DNAH11: variants seen among roughly 807,000 people sequenced by gnomAD.
DNAH11 encodes the protein axonemal beta dynein heavy chain 11.
DNAH11 carries 442 observed loss-of-function variants against 526.0 expected under a neutral mutation model. That is an observed-to-expected ratio of 0.84 (90% CI 0.78 to 0.91). DNAH11 has a LOEUF of 0.91. DNAH11 is among the 40% of genes least tolerant of loss of function. The probability of loss-of-function intolerance (pLI) is 0.00; values close to 1 mark genes in which losing one functional copy is unlikely to be tolerated. For synonymous variants in DNAH11, 2,461 were observed against 1,935.9 expected (o/e 1.27, Z -7.12); for missense variants, 6,989 against 5,448.7 (o/e 1.28, Z -8.90).
At chr7:21,672,226 G>A (rs1782667215) in intron 30 of DNAH11, among the ~76,000 whole-genome samples, 1 of 152,160 alleles carries the variant, frequency 6.6e-6, no homozygotes, top group African/African-American at 2.4e-5. Context: ...TGATCTCCAA[G>A]GTGCTATAGC....
At position 21,886,913 on chromosome 7, in the gene DNAH11, ACCT is replaced by A. The variant is rs771330925; in HGVS notation, c.12507+2508_12507+2510del. ...AAGCTGGCATCCTCACTGGAGAGGT[ACCT>A]CCTCAACTCACCAAAGGAAATTAAA... On this transcript the variant is annotated intron_variant, in intron 76 of 81. Coordinates refer to ENST00000409508, the MANE Select transcript of DNAH11 (RefSeq NM_001277115.2). 3.3e-5 allele frequency among the ~76,000 whole-genome samples: 5 copies of A among 152,260 alleles called. No individual in the cohort carries two copies. The South Asian group carries it at 1.0e-3, about 32-fold the overall frequency.
intron 30 of DNAH11, among the ~76,000 whole-genome samples, chr7:21,664,042 C>T (rs934719384): frequency 1.3e-5 from 2 of 151,704 alleles, no homozygotes; most frequent in Admixed American, 1.3e-4. Flanking sequence ...ACATTCCCAC[C>T]AACAGTGTAC....
At chr7:21,842,173 A>T (rs371094185) in intron 65 of DNAH11, among the ~76,000 whole-genome samples, 1 of 152,146 alleles carries the variant, frequency 6.6e-6, no homozygotes, top group Non-Finnish European at 1.5e-5. Flanking sequence ...TGGTTTCTTC[A>T]TATGTTGTTT....
chr7:21,866,803 C>T (rs1391745462), intron 71 of DNAH11, 140 bp downstream of exon 71: 1 of 935,200 alleles, frequency 1.1e-6, no homozygotes, highest in African/African-American at 1.7e-5. Flanking sequence ...ATATTATAAT[C>T]ACTGCTACTG....
At chr7:21,759,014 T>A (rs1038802440) in intron 54 of DNAH11, among the ~76,000 whole-genome samples, 3 of 152,210 alleles carry the variant, frequency 2.0e-5, no homozygotes, top group African/African-American at 7.2e-5. Flanking sequence ...AATAGGCATC[T>A]GATTTTCTTT....
At chr7:21,684,650 T>G (rs1783294411) in intron 32 of DNAH11, among the ~76,000 whole-genome samples, 1 of 152,194 alleles carries the variant, frequency 6.6e-6, no homozygotes, top group African/African-American at 2.4e-5. Context: ...GGACAAAGTT[T>G]CCAAGGTGGG....
At position 21,710,993 on chromosome 7, in the gene DNAH11, A is replaced by G. The variant is rs114529428; in HGVS notation, c.6834+290A>G. Among the ~76,000 whole-genome samples the G allele has an allele frequency of 0.015, 2,269 of 152,300 alleles. 55 individuals carry two copies. The highest frequency in any genetic ancestry group is 0.052 in the African/African-American group (2,162 of 41,562). On this transcript the variant is annotated intron_variant, in intron 41 of 81. Coordinates refer to ENST00000409508, the MANE Select transcript of DNAH11 (RefSeq NM_001277115.2). ...TACCACTTTCTAAGAGGTAGCCGTAAATTATTGTATCTTGTCATCTTTGAT... is the reference window on the plus strand; with the variant it reads ...TACCACTTTCTAAGAGGTAGCCGTAGATTATTGTATCTTGTCATCTTTGAT...
At chr7:21,771,103 T>C (rs1787416608) in intron 55 of DNAH11, among the ~76,000 whole-genome samples, 1 of 152,220 alleles carries the variant, frequency 6.6e-6, no homozygotes, top group Admixed American at 6.5e-5. Flanking sequence ...CAAGACTTAC[T>C]GTAGGTATAT....
chr7:21,647,839 T>C (rs1341852947), intron 28 of DNAH11, among the ~76,000 whole-genome samples: 1 of 152,194 alleles, frequency 6.6e-6, no homozygotes, highest in Non-Finnish European at 1.5e-5. Context: ...AAAATAAAGA[T>C]GTTTTAACAC....
rs1030665124 is a variant in DNAH11, at chr7:21,543,172, C to T, written c.-74C>T. The T allele has an allele frequency of 7.6e-6, 11 of 1,445,988 alleles. 1 individual carries two copies. In the South Asian group the frequency reaches 1.5e-4, roughly 19 times the overall value. 89.6% of individuals were successfully genotyped at this position (1,445,988 alleles called of 1,614,324 possible). A position where few individuals can be genotyped will look rare whatever the true frequency, so the allele number is the denominator to read the frequency against. ...GAGGGTGGGCGCCTGCGGAGGTGTCCTCGCTCACTTCGGGGGGCCCAGAGT... is the reference window on the plus strand; with the variant it reads ...GAGGGTGGGCGCCTGCGGAGGTGTCTTCGCTCACTTCGGGGGGCCCAGAGT... On this transcript the variant is annotated 5_prime_UTR_variant, in exon 1 of 82. Coordinates refer to ENST00000409508, the MANE Select transcript of DNAH11 (RefSeq NM_001277115.2).
At chr7:21,597,624 C>T (rs1355646291) in intron 14 of DNAH11, among the ~76,000 whole-genome samples, 1 of 152,108 alleles carries the variant, frequency 6.6e-6, no homozygotes, top group Non-Finnish European at 1.5e-5. Context: ...AACCAGATCT[C>T]ATGAGAATTC....
At chr7:21,698,823 C>A (rs1783953269) in intron 36 of DNAH11, among the ~76,000 whole-genome samples, 1 of 152,110 alleles carries the variant, frequency 6.6e-6, no homozygotes, top group African/African-American at 2.4e-5. Flanking sequence ...TTCCTCTGGG[C>A]AGATACCCAG....
chr7:21,727,152 C>G (rs1208905678), intron 45 of DNAH11, among the ~76,000 whole-genome samples: 2 of 151,704 alleles, frequency 1.3e-5, no homozygotes, highest in Admixed American at 6.6e-5. Context: ...CCAGGATGAT[C>G]TCGATCTCCT....
chr7:21,674,508 G>A (rs1437836670), intron 30 of DNAH11, among the ~76,000 whole-genome samples: 6 of 152,120 alleles, frequency 3.9e-5, no homozygotes, highest in Non-Finnish European at 5.9e-5. Flanking sequence ...TTACAAGTGT[G>A]CACCACCATG....
chr7:21,750,700 G>A (rs1449650605), intron 54 of DNAH11, among the ~76,000 whole-genome samples: 1 of 152,126 alleles, frequency 6.6e-6, no homozygotes, highest in African/African-American at 2.4e-5. Context: ...GCAGAGGAGC[G>A]CAGCATCCTT....
chr7:21,629,019 C>A (rs1342103639), intron 25 of DNAH11, among the ~76,000 whole-genome samples: 1 of 151,972 alleles, frequency 6.6e-6, no homozygotes, highest in Non-Finnish European at 1.5e-5. Context: ...AGGCCTTCTA[C>A]TTTTTTGATA....
intron 29 of DNAH11, among the ~76,000 whole-genome samples, chr7:21,657,216 A>G (rs925596091): frequency 1.3e-5 from 2 of 152,130 alleles, no homozygotes; most frequent in African/African-American, 4.8e-5. Flanking sequence ...GCTCACCCCA[A>G]TTTAGTCCAT....
At chr7:21,703,782 C>A (rs1036726589) in intron 37 of DNAH11, 1 of 152,158 alleles carries the variant, frequency 6.6e-6, no homozygotes, top group Non-Finnish European at 1.5e-5. Context: ...CAAAACTTTA[C>A]TCTGTGTGAT....
intron 28 of DNAH11, among the ~76,000 whole-genome samples, chr7:21,655,456 A>G (rs1345156643): frequency 3.9e-5 from 6 of 152,154 alleles, no homozygotes; most frequent in Non-Finnish European, 7.3e-5. Context: ...TAGCTTTTTC[A>G]TAGTGTACAC....
Sources: gnomAD v4.1 joint callset for allele counts (sites outside exome capture counted in the v4.1 genomes callset) on GRCh38, gnomAD v4.1.1 for gene constraint, MANE v1.5 for transcripts, NCBI Gene and HGNC (gene_info 2026-07-23, HGNC 2026-07-21) for gene names.